The following CDYL variants were observed in gnomAD, a reference collection of about 807,000 sequenced individuals.
CDYL encodes chromodomain Y like, also known as chromodomain Y-like protein.
In CDYL, 8 loss-of-function variants were observed where a neutral mutation model predicts 47.3. The observed-to-expected ratio is 0.17, with a 90% CI of 0.10 to 0.31. The LOEUF (loss-of-function observed/expected upper bound fraction) is 0.31, where lower values mean the gene tolerates loss of function less well. Ranked by LOEUF, CDYL falls within the 10% of genes least tolerant of loss-of-function variation. The pLI is 1.00. For missense variants in CDYL, 471 were observed against 701.4 expected, an observed-to-expected ratio of 0.67 and a Z score of 3.71; for synonymous variants, 266 against 265.0, an observed-to-expected ratio of 1.00 and a Z score of -0.04.
intron 1 of CDYL, among the ~76,000 whole-genome samples, chr6:4,777,176 G>C (rs1290836123): frequency 2.0e-5 from 3 of 150,352 alleles, no homozygotes; most frequent in African/African-American, 7.4e-5. Context: ...GGTGTGGGGG[G>C]GTTTCTGGAT....
intron 1 of CDYL, among the ~76,000 whole-genome samples, chr6:4,804,945 C>T (rs986808674): frequency 9.9e-5 from 15 of 152,010 alleles, no homozygotes; most frequent in African/African-American, 3.4e-4. Context: ...TTCCAGGTTA[C>T]ACTTGTTTTA....
intron 4 of CDYL, among the ~76,000 whole-genome samples, chr6:4,940,050 G>C (rs1758318688): frequency 6.6e-6 from 1 of 152,208 alleles, no homozygotes; most frequent in Non-Finnish European, 1.5e-5. Context: ...CTGTGGGCTT[G>C]TGGCGCTGGG....
At chr6:4,880,905 G>A (rs1761745577) in intron 1 of CDYL, among the ~76,000 whole-genome samples, 1 of 152,176 alleles carries the variant, frequency 6.6e-6, no homozygotes. Flanking sequence ...TTGGATAACA[G>A]CCGTTTGTCA....
At chr6:4,800,675 A>C (rs1320511703) in intron 1 of CDYL, among the ~76,000 whole-genome samples, 1 of 152,294 alleles carries the variant, frequency 6.6e-6, no homozygotes, top group East Asian at 1.9e-4. Context: ...TTTTTAAAGG[A>C]AACTTCTTCT....
At chr6:4,755,040 T>TG (rs764093725) in intron 3 of CDYL, among the ~76,000 whole-genome samples, 1 of 111,504 alleles carries the variant, frequency 9.0e-6, no homozygotes, top group African/African-American at 4.1e-5. Context: ...GTTGTTGTTG[T>TG]TGTTTTTTGT....
At chr6:4,933,703 GCAAC>G (rs2127518400) in intron 2 of CDYL, among the ~76,000 whole-genome samples, 1 of 152,308 alleles carries the variant, frequency 6.6e-6, no homozygotes, top group African/African-American at 2.4e-5. Context: ...GAAGGACTCA[GCAAC>G]ACCTTTGCTG....
At chr6:4,882,818 A>G (rs1197274168) in intron 1 of CDYL, among the ~76,000 whole-genome samples, 1 of 152,214 alleles carries the variant, frequency 6.6e-6, no homozygotes, top group Non-Finnish European at 1.5e-5. Flanking sequence ...ATCATCAACT[A>G]GTATTCCAGC....
At chr6:4,888,531 T>G (rs1404221273) in intron 1 of CDYL, among the ~76,000 whole-genome samples, 2 of 152,232 alleles carry the variant, frequency 1.3e-5, no homozygotes, top group African/African-American at 4.8e-5. Context: ...TTTATTTTTC[T>G]TAATCAAAAT....
intron 1 of CDYL, among the ~76,000 whole-genome samples, chr6:4,783,529 G>GCCTC (rs1405045931): frequency 6.6e-6 from 1 of 151,368 alleles, no homozygotes; most frequent in Non-Finnish European, 1.5e-5. Context: ...TGATTCTCCT[G>GCCTC]CCTCAGCCTT....
chr6:4,904,398 A>G (rs1036258813), intron 2 of CDYL, among the ~76,000 whole-genome samples: 1 of 152,238 alleles, frequency 6.6e-6, no homozygotes, highest in Non-Finnish European at 1.5e-5. Context: ...TTAATAGGAA[A>G]TATTAAGAAA....
At chr6:4,810,833 C>T (rs1326866218) in intron 1 of CDYL, among the ~76,000 whole-genome samples, 1 of 152,218 alleles carries the variant, frequency 6.6e-6, no homozygotes, top group South Asian at 2.1e-4. Context: ...CCTTGTGCCA[C>T]TCTCCTATGT....
intron 4 of CDYL, among the ~76,000 whole-genome samples, chr6:4,942,597 C>T (rs1036436043): frequency 6.6e-6 from 1 of 152,228 alleles, no homozygotes; most frequent in African/African-American, 2.4e-5. Context: ...CTTTTCTCCA[C>T]TGTGTGAAAT....
chr6:4,850,734 T>C (rs1448785148), intron 1 of CDYL, among the ~76,000 whole-genome samples: 1 of 152,216 alleles, frequency 6.6e-6, no homozygotes, highest in Non-Finnish European at 1.5e-5. Context: ...TTGTCTAAGT[T>C]GATGAAATGC....
intron 5 of CDYL, among the ~76,000 whole-genome samples, chr6:4,945,284 G>A (rs1445489814): frequency 6.6e-6 from 1 of 152,154 alleles, no homozygotes; most frequent in African/African-American, 2.4e-5. Context: ...TGGGAACTCT[G>A]TACTACTTTT....
Position 4,715,747 on chromosome 6 carries a change from A to C in CDYL, c.-32A>C, listed in dbSNP as rs755402995. On this transcript the variant is annotated 5_prime_UTR_variant, in exon 2 of 9. Coordinates refer to the CDYL transcript ENST00000328908. ...GTTGGGATTGTAATTGCAGGTGGTC[A>C]TCAGAGAACACAGAGCCCCCGGAAG... 53 of 1,612,748 alleles carry C rather than the reference A, an allele frequency of 3.3e-5. 1 individual carries two copies. In the South Asian group the frequency reaches 5.6e-4, roughly 17 times the overall value.
At chr6:4,889,990 A>G in intron 1 of CDYL, 1 of 985,380 alleles carries the variant, frequency 1.0e-6, no homozygotes, top group South Asian at 4.7e-5. Flanking sequence ...CCAGTGGTAC[A>G]TGGTTAAGGA....
chr6:4,821,500 G>A lies in CDYL; in HGVS notation c.24+44693G>A, dbSNP rs145583664. On this transcript the variant is annotated intron_variant, in intron 1 of 6. Transcript: ENST00000397588. ...TGTAATCCCGGCACTTTGGGGGGCC[G>A]AAGCGGGCGGATCACTTGAGCTCAG... is the stretch of plus-strand genomic sequence containing the variant. Among the ~76,000 whole-genome samples, 93 of 152,072 alleles carry A rather than the reference G, an allele frequency of 6.1e-4. 4 individuals are homozygous for A. The East Asian group carries it at 0.017, about 28-fold the overall frequency.
intron 2 of CDYL, among the ~76,000 whole-genome samples, chr6:4,733,866 T>A (rs77383494): frequency 9.7e-6 from 1 of 102,902 alleles, no homozygotes; most frequent in South Asian, 3.4e-4. Flanking sequence ...TTTTTTTTTT[T>A]CTTGAGACAG....
intron 1 of CDYL, among the ~76,000 whole-genome samples, chr6:4,711,060 GAAAT>G (rs1188602770): frequency 9.2e-5 from 14 of 152,168 alleles, no homozygotes; most frequent in Middle Eastern, 3.4e-3. Flanking sequence ...TACTGTAAAA[GAAAT>G]AAGACCTTCG....
Sources: allele counts gnomAD v4.1 joint callset (sites outside exome capture counted in the v4.1 genomes callset), GRCh38; gene constraint gnomAD v4.1.1; transcripts MANE v1.5; gene names NCBI Gene and HGNC (gene_info 2026-07-23, HGNC 2026-07-21).